SNX16: variants seen among roughly 807,000 people sequenced by gnomAD.
SNX16 encodes the protein sorting nexin 16, also known as sorting nexin-16.
SNX16 carries 35 observed loss-of-function variants against 36.7 expected under a neutral mutation model. The ratio of observed to expected loss-of-function variants is 0.95; its 90% CI spans 0.73 to 1.27. The LOEUF is 1.27. Among genes scored for constraint, SNX16 ranks in the 50% most tolerant of loss-of-function variants. The probability of loss-of-function intolerance (pLI) is 0.00; values close to 1 mark genes in which losing one functional copy is unlikely to be tolerated. For synonymous variants in SNX16, 134 were observed against 132.0 expected, an observed-to-expected ratio of 1.02 and a Z score of -0.10; for missense variants, 367 against 393.6, an observed-to-expected ratio of 0.93 and a Z score of 0.57.
At chr8:81,826,008 T>A (rs866329971) in intron 3 of SNX16, among the ~76,000 whole-genome samples, 12 of 148,252 alleles carry the variant, frequency 8.1e-5, no homozygotes, top group Admixed American at 1.4e-4. Context: ...CCATTTACAA[T>A]TTAAATGGTT....
chr8:81,808,303 AGG>A, intron 5 of SNX16: 1 of 1,180,776 alleles, frequency 8.5e-7, no homozygotes, highest in Non-Finnish European at 1.2e-6. Flanking sequence ...CTGTGAAGTT[AGG>A]AAGACCTGTC....
At chr8:81,834,965 C>T (rs1473620373) in intron 2 of SNX16, among the ~76,000 whole-genome samples, 2 of 152,220 alleles carry the variant, frequency 1.3e-5, no homozygotes, top group Non-Finnish European at 2.9e-5. Flanking sequence ...CCCACATTTC[C>T]CTTCCACACA....
chr8:81,822,966 A>ATGTATATGTATATG (rs36048974), intron 4 of SNX16, among the ~76,000 whole-genome samples: 5 of 126,934 alleles, frequency 3.9e-5, no homozygotes, highest in Non-Finnish European at 8.4e-5. Flanking sequence ...ATATATATAT[A>ATGTATATGTATATG]TATATATATA....
chr8:81,810,538 A>G (rs969467308), intron 5 of SNX16, among the ~76,000 whole-genome samples: 4 of 152,202 alleles, frequency 2.6e-5, no homozygotes, highest in Non-Finnish European at 2.9e-5. Context: ...TTCTTCATTC[A>G]CTGTTCAAAT....
At chr8:81,830,579 T>G (rs998516211) in intron 2 of SNX16, among the ~76,000 whole-genome samples, 219 of 90,150 alleles carry the variant, frequency 2.4e-3, no homozygotes, top group East Asian at 6.2e-3. Flanking sequence ...GTCTAGGGGG[T>G]AAAAAAAAAA....
At chr8:81,822,756 G>A (rs902889818) in intron 4 of SNX16, among the ~76,000 whole-genome samples, 7 of 151,864 alleles carry the variant, frequency 4.6e-5, no homozygotes, top group African/African-American at 1.4e-4. Context: ...TAGGTTTGAC[G>A]TAATTTTGAG....
At chr8:81,835,139 G>C (rs962291584) in intron 2 of SNX16, among the ~76,000 whole-genome samples, 1 of 152,228 alleles carries the variant, frequency 6.6e-6, no homozygotes, top group Non-Finnish European at 1.5e-5. Context: ...AGCTGCCAAG[G>C]CTTGGGGATT....
In SNX16 at chr8:81,823,833, C is replaced by T. The variant is rs202130332; in HGVS notation, c.570G>A (p.Ala190=). ...FLEDRQLGLQ[A]FLQNLVAHKD... is the part of the protein sequence containing the mutation. Reference sequence around the variant, plus strand: ...TGTGAGCTACTAAATTTTGAAGAAACGCTTGTAATCCTAATTGTCTGTCTT... The same window carrying T: ...TGTGAGCTACTAAATTTTGAAGAAATGCTTGTAATCCTAATTGTCTGTCTT... Residue 190 remains alanine, a synonymous_variant, in exon 4 of 8, where the codon GCG becomes GCA. Coordinates refer to ENST00000345957, the MANE Select transcript of SNX16 (RefSeq NM_152836.3). 191 of 1,610,648 alleles carry T rather than the reference C, an allele frequency of 1.2e-4. 3 individuals carry two copies. The highest frequency in any genetic ancestry group is 1.1e-3 in the South Asian group (103 of 90,334).
rs1025125521 is a variant in SNX16 at position 81,799,679 on chromosome 8, G to A, written c.*1818C>T. Reference sequence around the variant, plus strand: ...GTAAATTATAAATATAAATAATAGTGGTTTACCTAATTAACAGATTTTTTT... The same window carrying A: ...GTAAATTATAAATATAAATAATAGTAGTTTACCTAATTAACAGATTTTTTT... On this transcript the variant is annotated 3_prime_UTR_variant, in exon 8 of 8. Coordinates refer to ENST00000345957, the MANE Select transcript of SNX16 (RefSeq NM_152836.3). 2.0e-5 allele frequency: 3 copies of A among 151,666 alleles called. No individual in the cohort carries two copies. Among genetic ancestry groups the A allele is most frequent in the South Asian group, 2.1e-4 (1 of 4,812 alleles). 9.4% of individuals were successfully genotyped at this position (151,666 alleles called of 1,614,324 possible). A position where few individuals can be genotyped will look rare whatever the true frequency, so the allele number is the denominator to read the frequency against.
chr8:81,839,435 A>G (rs1259195448), intron 2 of SNX16, among the ~76,000 whole-genome samples, 177 bp downstream of exon 2: 2 of 152,178 alleles, frequency 1.3e-5, no homozygotes, highest in African/African-American at 4.8e-5. Context: ...GTGAAAATTT[A>G]TTAAGGTAAA....
At chr8:81,805,837 C>T (rs530350627) in intron 5 of SNX16, among the ~76,000 whole-genome samples, 34 of 152,180 alleles carry the variant, frequency 2.2e-4, no homozygotes, top group Middle Eastern at 6.8e-3. Context: ...AGGAGAATGG[C>T]GTGAACCTGG....
intron 6 of SNX16, 152 bp from the exon 7 acceptor site, chr8:81,802,651 G>A: frequency 1.8e-6 from 1 of 541,462 alleles, no homozygotes. Context: ...AGTCAACAGA[G>A]AAAATCAGTA....
At chr8:81,838,044 G>C (rs542192417) in intron 2 of SNX16, among the ~76,000 whole-genome samples, 1 of 152,272 alleles carries the variant, frequency 6.6e-6, no homozygotes, top group East Asian at 1.9e-4. Flanking sequence ...GAGTTAATAA[G>C]AGAGTTGAGC....
intron 2 of SNX16, 25 bp downstream of exon 2, chr8:81,839,587 T>C (rs1814534): frequency 1.3e-6 from 2 of 1,582,056 alleles, no homozygotes; most frequent in Non-Finnish European, 1.7e-6. Context: ...CTTTGTAGTG[T>C]TATACAGCAG....
At chr8:81,838,507 A>C (rs1441860639) in intron 2 of SNX16, among the ~76,000 whole-genome samples, 1 of 151,882 alleles carries the variant, frequency 6.6e-6, no homozygotes, top group African/African-American at 2.4e-5. Context: ...TGACACAGAC[A>C]ACACTGAAAA....
chr8:81,803,302 C>A lies in SNX16; in HGVS notation c.682-74G>T, dbSNP rs150156495. On this transcript the variant is annotated intron_variant, in intron 5 of 7. Transcript: ENST00000345957. ...AATTAATTACAAATGCAGTATCTTT[C>A]TCAAGAGCATTATTGAAGAGTCAAA... The A allele has an allele frequency of 4.5e-4, 629 of 1,404,906 alleles. 2 individuals carry two copies. In the African/African-American group the frequency reaches 8.1e-3, roughly 18 times the overall value. The allele number at this position is 1,404,906 out of a possible 1,614,324, so 87.0% of individuals were successfully genotyped here. A position where few individuals can be genotyped will look rare whatever the true frequency, so the allele number is the denominator to read the frequency against.
rs1360119297 is a variant in SNX16 at position 81,802,389 on chromosome 8, T to C, written c.929A>G (p.Glu310Gly). ...ATGAAATATTATATACCTAGATTCT[T>C]CATCCAGGACATCTTGATCAACCTC... is the stretch of plus-strand genomic sequence containing the variant. ...ALEVDQDVLD[E>G]ESRADNKPCL... is the part of the protein sequence containing the mutation. The change falls in exon 7 of 8, where the codon GAA becomes GGA. Residue 310 changes from glutamate to glycine, a missense_variant. Physicochemically the swap from Glu to Gly is moderately conservative, Grantham distance 98. Coordinates refer to ENST00000345957, the MANE Select transcript of SNX16 (RefSeq NM_152836.3). 6.2e-7 allele frequency: 1 copy of C among 1,601,890 alleles called. No individual in the cohort carries two copies. The highest frequency in any genetic ancestry group is 8.5e-7 in the Non-Finnish European group (1 of 1,174,862).
intron 5 of SNX16, among the ~76,000 whole-genome samples, chr8:81,813,650 C>A (rs1356492047): frequency 6.6e-6 from 1 of 151,816 alleles, no homozygotes. Flanking sequence ...AAGACACCTA[C>A]AGACTGCAAG....
rs758346055 is a variant in SNX16, at chr8:81,841,003, G to GT, written c.-96-922dup. Among the ~76,000 whole-genome samples, 21 of 152,298 alleles carry GT rather than the reference G, an allele frequency of 1.4e-4. No individual in the cohort carries two copies. In the South Asian group the frequency reaches 1.9e-3, roughly 14 times the overall value. ...ATACGAAACTCTACTGGTGGGAAAG[G>GT]TAAGAAATGAGTCACCTGGACTTGG... is the stretch of plus-strand genomic sequence containing the variant. On this transcript the variant is annotated intron_variant, in intron 1 of 7. Coordinates refer to ENST00000345957, the MANE Select transcript of SNX16 (RefSeq NM_152836.3).
Sources: gnomAD v4.1 joint callset for allele counts (sites outside exome capture counted in the v4.1 genomes callset) on GRCh38, gnomAD v4.1.1 for gene constraint, MANE v1.5 for transcripts, NCBI Gene and HGNC (gene_info 2026-07-23, HGNC 2026-07-21) for gene names.